The following MYO5B variants were observed in gnomAD, a reference collection of about 807,000 sequenced individuals.
The protein encoded by MYO5B is unconventional myosin-Vb.
Under a neutral mutation model 229.3 loss-of-function variants are expected in MYO5B, and 143 were observed. That is an observed-to-expected ratio of 0.62 (90% CI 0.54 to 0.72). The LOEUF is 0.72. Ranked by LOEUF, MYO5B falls within the 30% of genes least tolerant of loss-of-function variation. The probability of loss-of-function intolerance (pLI) is 0.00; values close to 1 mark genes in which losing one functional copy is unlikely to be tolerated. For missense variants in MYO5B, 2,321 were observed against 2,331.0 expected (o/e 1.00, Z 0.09); for synonymous variants, 918 against 885.2 (o/e 1.04, Z -0.66).
chr18:49,928,587 T>C (rs2025155321), intron 17 of MYO5B, among the ~76,000 whole-genome samples: 1 of 152,204 alleles, frequency 6.6e-6, no homozygotes, highest in South Asian at 2.1e-4. Flanking sequence ...GAGGTTGCAG[T>C]GAGCCCAGAT....
chr18:49,929,499 G>T lies in MYO5B; in HGVS notation c.2090+13C>A. 6.3e-7 allele frequency: 1 copy of T among 1,598,474 alleles called. No individual in the cohort carries two copies. The highest frequency in any genetic ancestry group is 8.5e-7 in the Non-Finnish European group (1 of 1,172,842). On this transcript the variant is annotated intron_variant, in intron 17 of 39. Transcript: ENST00000285039. ...GGCAGCCCCAGGAGGCAGCTGGCGG[G>T]CACGTTAGTTACCTGGATGGGTAGC...
intron 1 of MYO5B, among the ~76,000 whole-genome samples, chr18:50,115,547 G>GACACATACAC (rs1555660370): frequency 2.4e-5 from 3 of 125,062 alleles, no homozygotes; most frequent in African/African-American, 8.5e-5. Context: ...CACACAGAGA[G>GACACATACAC]ACACACACAC....
intron 12 of MYO5B, among the ~76,000 whole-genome samples, chr18:49,956,388 C>T (rs1787582): frequency 0.075 from 11,350 of 152,216 alleles, 813 homozygotes; most frequent in African/African-American, 0.18. Context: ...GGGGAAGTAT[C>T]AGGTTGGTGC....
chr18:50,048,282 T>C (rs1055401522), intron 2 of MYO5B, among the ~76,000 whole-genome samples: 8 of 152,164 alleles, frequency 5.3e-5, no homozygotes, highest in African/African-American at 1.9e-4. Flanking sequence ...AGGCACTCAA[T>C]TACTTGAAAA....
intron 12 of MYO5B, among the ~76,000 whole-genome samples, chr18:49,955,179 C>G (rs1243965982): frequency 2.0e-5 from 3 of 152,248 alleles, no homozygotes; most frequent in African/African-American, 4.8e-5. Context: ...CTAATCTCTG[C>G]ATCTCTCACT....
intron 1 of MYO5B, among the ~76,000 whole-genome samples, chr18:50,098,386 T>A (rs1453990717): frequency 6.6e-6 from 1 of 152,356 alleles, no homozygotes; most frequent in East Asian, 1.9e-4. Context: ...TGGATTCCAA[T>A]GAAGTTATAA....
intron 21 of MYO5B, among the ~76,000 whole-genome samples, chr18:49,896,728 C>T (rs762860726): frequency 6.6e-6 from 1 of 152,064 alleles, no homozygotes; most frequent in African/African-American, 2.4e-5. Context: ...GACTCTAATG[C>T]GAAGTATGAT....
chr18:49,987,844 T>C (rs1191703304), intron 7 of MYO5B, among the ~76,000 whole-genome samples: 2 of 152,148 alleles, frequency 1.3e-5, no homozygotes, highest in South Asian at 2.1e-4. Context: ...AAGGCAGAGA[T>C]GGGGAGGAAA....
intron 17 of MYO5B, among the ~76,000 whole-genome samples, chr18:49,927,348 C>G (rs1188144305): frequency 8.2e-6 from 1 of 122,078 alleles, no homozygotes; most frequent in Non-Finnish European, 1.7e-5. Context: ...TACCATATTT[C>G]TTCACAGAAC....
chr18:50,062,443 A>C (rs1008881904), intron 1 of MYO5B, among the ~76,000 whole-genome samples: 1 of 152,224 alleles, frequency 6.6e-6, no homozygotes, highest in African/African-American at 2.4e-5. Context: ...AAACATTTCT[A>C]AACTAATAGT....
At chr18:50,077,397 T>A (rs975529575) in intron 1 of MYO5B, among the ~76,000 whole-genome samples, 1 of 151,836 alleles carries the variant, frequency 6.6e-6, no homozygotes, top group Non-Finnish European at 1.5e-5. Context: ...TAAGAGAAAT[T>A]AGGCTGTAAC....
At chr18:50,185,301 A>AG (rs375792603) in intron 1 of MYO5B, among the ~76,000 whole-genome samples, 4 of 151,592 alleles carry the variant, frequency 2.6e-5, no homozygotes, top group Non-Finnish European at 4.4e-5. Context: ...AAAAAAAAAA[A>AG]AGAGAGAGAG....
At chr18:50,048,390 T>A (rs1195869844) in intron 2 of MYO5B, among the ~76,000 whole-genome samples, 1 of 152,224 alleles carries the variant, frequency 6.6e-6, no homozygotes, top group Non-Finnish European at 1.5e-5. Context: ...GGCTTAATAC[T>A]GCAAAGGTTT....
chr18:49,950,584 A>G (rs1478640428), intron 14 of MYO5B, among the ~76,000 whole-genome samples: 1 of 152,180 alleles, frequency 6.6e-6, no homozygotes, highest in Non-Finnish European at 1.5e-5. Context: ...CCAAGATACA[A>G]TGGTAACTGA....
At chr18:49,896,877 C>T (rs190546170) in intron 21 of MYO5B, among the ~76,000 whole-genome samples, 1 of 152,118 alleles carries the variant, frequency 6.6e-6, no homozygotes, top group African/African-American at 2.4e-5. Flanking sequence ...GTACATCCAA[C>T]CTAATCAACC....
intron 4 of MYO5B, among the ~76,000 whole-genome samples, chr18:50,011,166 C>T (rs922085508): frequency 2.0e-5 from 3 of 152,122 alleles, no homozygotes; most frequent in African/African-American, 7.2e-5. Flanking sequence ...CATGGTGAAA[C>T]CCTGACTCTA....
At chr18:50,081,314 C>T (rs1454173367) in intron 1 of MYO5B, among the ~76,000 whole-genome samples, 2 of 152,190 alleles carry the variant, frequency 1.3e-5, no homozygotes, top group Admixed American at 6.5e-5. Flanking sequence ...GCCCATGCTC[C>T]CAATGGGAGG....
chr18:50,089,645 G>A (rs1453752118), intron 1 of MYO5B, among the ~76,000 whole-genome samples: 1 of 151,974 alleles, frequency 6.6e-6, no homozygotes, highest in Non-Finnish European at 1.5e-5. Flanking sequence ...TGTCGTAGGA[G>A]TTATTAATTA....
At chr18:49,957,624 G>T (rs1328492088) in intron 12 of MYO5B, among the ~76,000 whole-genome samples, 2 of 147,786 alleles carry the variant, frequency 1.4e-5, no homozygotes, top group African/African-American at 5.0e-5. Context: ...CTCCAGCCTG[G>T]GTGACAGAAC....
Sources: allele counts gnomAD v4.1 joint callset (sites outside exome capture counted in the v4.1 genomes callset), GRCh38; gene constraint gnomAD v4.1.1; transcripts MANE v1.5; gene names NCBI Gene and HGNC (gene_info 2026-07-23, HGNC 2026-07-21).